The following HMGXB3 variants were observed in gnomAD, a reference collection of about 807,000 sequenced individuals.
HMGXB3 encodes the protein HMG-box containing 3, also known as HMG domain-containing protein 3.
Under a neutral mutation model 121.5 loss-of-function variants are expected in HMGXB3, and 45 were observed. The ratio of observed to expected loss-of-function variants is 0.37; its 90% CI spans 0.29 to 0.47. HMGXB3 has a LOEUF of 0.47. HMGXB3 is among the 20% of genes least tolerant of loss of function. The probability of loss-of-function intolerance (pLI) is 0.99; values close to 1 mark genes in which losing one functional copy is unlikely to be tolerated. For synonymous variants in HMGXB3, 590 were observed against 624.1 expected (o/e 0.95, Z 0.81); for missense variants, 1,376 against 1,602.2 (o/e 0.86, Z 2.41).
At chr5:150,019,684 G>A (rs1241317674) in intron 6 of HMGXB3, among the ~76,000 whole-genome samples, 1 of 152,144 alleles carries the variant, frequency 6.6e-6, no homozygotes, top group Non-Finnish European at 1.5e-5. Flanking sequence ...AATTTGGGTG[G>A]GTAGAAAAGG....
rs1756642462 is a variant in HMGXB3 at position 150,041,961 on chromosome 5, A to G, written c.2722A>G (p.Ser908Gly). 6.4e-7 allele frequency: 1 copy of G among 1,550,896 alleles called. No individual in the cohort carries two copies. The highest frequency in any genetic ancestry group is 1.2e-5 in the South Asian group (1 of 84,034). Residue 908 changes from serine (S) to glycine (G), a missense_variant, in exon 15 of 20, where the codon AGC becomes GGC. Around this residue, in one of 2 missense-constraint regions of HMGXB3, gnomAD observed 1,116 missense variants for 1,369.0 expected, o/e 0.82. Coordinates refer to ENST00000502717, the MANE Select transcript of HMGXB3 (RefSeq NM_014983.3). ...TGAAGAGAATGTGCTAGCACTGAAG[A>G]GCGTGGAGGTAAGTGCCTCTTAGCC... ...RSEENVLALK[S>G]VEFTWPEFLG...
rs1347454140 is a variant in HMGXB3, at chr5:150,052,598, C to G, written c.*406C>G. The G allele has an allele frequency of 1.1e-5, 2 of 188,692 alleles. No individual in the cohort carries two copies. Among genetic ancestry groups the G allele is most frequent in the Admixed American group, 1.1e-4 (2 of 18,792 alleles). The allele number at this position is 188,692 out of a possible 1,614,324, so 11.7% of individuals were successfully genotyped here. On this transcript the variant is annotated 3_prime_UTR_variant, in exon 20 of 20. Transcript: ENST00000502717. The stretch of plus-strand genomic sequence containing the variant: ...GAGGTCTCTCCCACCCCTGAGGAGC[C>G]CTGGTTTCAGCCCCCTCAGTCTGAT...
In HMGXB3 at chr5:150,047,517, G is replaced by A; in HGVS notation, c.2951-107G>A. The A allele has an allele frequency of 3.0e-6, 4 of 1,326,150 alleles. No homozygotes were observed. In the South Asian group the frequency reaches 5.7e-5, roughly 19 times the overall value. 82.1% of individuals were successfully genotyped at this position (1,326,150 alleles called of 1,614,324 possible). A position where few individuals can be genotyped will look rare whatever the true frequency, so the allele number is the denominator to read the frequency against. ...TTCCACCTCTGCCAGCACTGGGGGA[G>A]GGCTTGGTGCAGAGCTGGCTTCCAC... is the stretch of plus-strand genomic sequence containing the variant. On this transcript the variant is annotated intron_variant, in intron 16 of 19. Transcript: ENST00000502717.
intron 15 of HMGXB3, among the ~76,000 whole-genome samples, chr5:150,042,612 G>A (rs1756663563): frequency 6.6e-6 from 1 of 152,028 alleles, no homozygotes; most frequent in African/African-American, 2.4e-5. Context: ...TGGGAGGGAG[G>A]GAGGGAGTGG....
At chr5:150,024,905 C>G (rs1412458283) in intron 7 of HMGXB3, among the ~76,000 whole-genome samples, 1 of 152,184 alleles carries the variant, frequency 6.6e-6, no homozygotes, top group African/African-American at 2.4e-5. Flanking sequence ...TCTTGTCAGT[C>G]TCCCTAAAGC....
chr5:150,035,716 T>A (rs1024798151), intron 11 of HMGXB3, among the ~76,000 whole-genome samples: 1 of 151,948 alleles, frequency 6.6e-6, no homozygotes, highest in Non-Finnish European at 1.5e-5. Context: ...GGGGAGTGAT[T>A]TATGCTGCCT....
intron 5 of HMGXB3, chr5:150,014,833 G>A: frequency 2.2e-6 from 1 of 457,024 alleles, no homozygotes; most frequent in South Asian, 2.6e-5. Flanking sequence ...TATTTCCCAG[G>A]GATTAAAACT....
Position 150,052,213 on chromosome 5 carries a change from C to T in HMGXB3, c.*21C>T. On this transcript the variant is annotated 3_prime_UTR_variant, in exon 20 of 20. Coordinates refer to ENST00000502717, the MANE Select transcript of HMGXB3 (RefSeq NM_014983.3). Reference sequence around the variant, plus strand: ...AATAAGCCAGGCTGTTGTACAGGGACTACACCATCTCTCAAGCCATAGTAA... The same window carrying T: ...AATAAGCCAGGCTGTTGTACAGGGATTACACCATCTCTCAAGCCATAGTAA... The T allele has an allele frequency of 6.7e-7, 1 of 1,498,906 alleles. No homozygotes were observed. Among genetic ancestry groups the T allele is most frequent in the Non-Finnish European group, 9.0e-7 (1 of 1,111,854 alleles). The allele number at this position is 1,498,906 out of a possible 1,614,324, so 92.9% of individuals were successfully genotyped here.
chr5:150,051,633 A>C, intron 19 of HMGXB3, 92 bp from the exon 20 acceptor site: 1 of 1,018,936 alleles, frequency 9.8e-7, no homozygotes, highest in Non-Finnish European at 1.4e-6. Flanking sequence ...GGATTCAAAG[A>C]GGGCTGGCTG....
At chr5:150,009,307 A>G (rs1755776316) in intron 3 of HMGXB3, among the ~76,000 whole-genome samples, 1 of 152,128 alleles carries the variant, frequency 6.6e-6, no homozygotes, top group South Asian at 2.1e-4. Flanking sequence ...AAATTTTCTC[A>G]TTTGTTAAAT....
At chr5:150,027,709 C>G (rs1022097345) in intron 9 of HMGXB3, among the ~76,000 whole-genome samples, 2 of 152,152 alleles carry the variant, frequency 1.3e-5, no homozygotes, top group Non-Finnish European at 2.9e-5. Context: ...CACACCACCA[C>G]GCCCGGCTAA....
At chr5:150,020,329 C>T (rs1478236754) in intron 6 of HMGXB3, among the ~76,000 whole-genome samples, 1 of 152,208 alleles carries the variant, frequency 6.6e-6, no homozygotes, top group African/African-American at 2.4e-5. Flanking sequence ...AGTGTATTCA[C>T]AATGTATTCC....
chr5:150,043,189 T>C (rs1027061211), intron 15 of HMGXB3, among the ~76,000 whole-genome samples: 1 of 152,224 alleles, frequency 6.6e-6, no homozygotes, highest in African/African-American at 2.4e-5. Flanking sequence ...ACACCCATAT[T>C]TATGATAAAA....
At chr5:150,018,747 T>C in intron 6 of HMGXB3, 50 bp downstream of exon 6, 1 of 1,497,106 alleles carries the variant, frequency 6.7e-7, no homozygotes, top group Non-Finnish European at 8.9e-7. Context: ...GAATAGACTT[T>C]CTGTTTGCCA....
intron 3 of HMGXB3, among the ~76,000 whole-genome samples, chr5:150,007,584 ATTC>A (rs1241961052): frequency 1.3e-5 from 2 of 152,142 alleles, no homozygotes; most frequent in African/African-American, 4.8e-5. Flanking sequence ...TTGGCCTGGC[ATTC>A]TTCTTTCTGG....
At chr5:150,029,109 G>A (rs1029552455) in intron 9 of HMGXB3, among the ~76,000 whole-genome samples, 30 of 152,142 alleles carry the variant, frequency 2.0e-4, no homozygotes, top group African/African-American at 5.8e-4. Flanking sequence ...ACCATCCGAT[G>A]TGCTTTCAGG....
chr5:150,033,079 C>A (rs184382120), intron 11 of HMGXB3, among the ~76,000 whole-genome samples: 4 of 152,336 alleles, frequency 2.6e-5, no homozygotes, highest in Admixed American at 2.6e-4. Flanking sequence ...CAGCCCTCCT[C>A]TCTGAAGTTG....
intron 10 of HMGXB3, among the ~76,000 whole-genome samples, chr5:150,031,375 C>G (rs1479879629): frequency 6.6e-6 from 1 of 152,212 alleles, no homozygotes; most frequent in African/African-American, 2.4e-5. Flanking sequence ...TGGGATCACC[C>G]TTTTGTAGGG....
chr5:150,011,481 G>A (rs1156262781), intron 4 of HMGXB3, among the ~76,000 whole-genome samples: 1 of 152,168 alleles, frequency 6.6e-6, no homozygotes, highest in Non-Finnish European at 1.5e-5. Flanking sequence ...GGCCTGGGCA[G>A]AAGAGAACAA....
Sources: gnomAD v4.1 joint callset for allele counts (sites outside exome capture counted in the v4.1 genomes callset) on GRCh38, gnomAD v4.1.1 for gene constraint, gnomAD v4.1.1 regional missense constraint, MANE v1.5 for transcripts, NCBI Gene and HGNC (gene_info 2026-07-23, HGNC 2026-07-21) for gene names.